Variants in RBM33 observed in about 807,000 individuals in gnomAD.
The protein encoded by RBM33 is RNA binding motif protein 33.
RBM33 carries 28 observed loss-of-function variants against 132.6 expected under a neutral mutation model. The observed-to-expected ratio is 0.21, with a 90% confidence interval of 0.16 to 0.29. RBM33 has a LOEUF of 0.29. Among genes scored for constraint, RBM33 ranks in the 10% least tolerant of loss-of-function variants. RBM33 has a pLI of 1.00. For missense variants in RBM33, 1,291 were observed against 1,518.5 expected (o/e 0.85, Z 2.49); for synonymous variants, 634 against 593.0 (o/e 1.07, Z -1.01).
intron 3 of RBM33, among the ~76,000 whole-genome samples, chr7:155,677,976 C>T (rs971705746): frequency 1.3e-5 from 2 of 152,128 alleles, no homozygotes; most frequent in Admixed American, 1.3e-4. Context: ...ACCCCCCCAA[C>T]CTAATCTAAG....
chr7:155,690,564 G>A (rs1563145645), intron 5 of RBM33, among the ~76,000 whole-genome samples: 2 of 152,062 alleles, frequency 1.3e-5, no homozygotes, highest in African/African-American at 2.4e-5. Context: ...TCCTAGTATC[G>A]ATGGTCTTTA....
chr7:155,739,455 A>T, intron 11 of RBM33: 1 of 483,522 alleles, frequency 2.1e-6, no homozygotes, highest in East Asian at 3.8e-5. Flanking sequence ...CTTTAGAGTT[A>T]TGAGTTTGTC....
At chr7:155,654,065 T>C (rs776316857) in intron 1 of RBM33, among the ~76,000 whole-genome samples, 2 of 152,202 alleles carry the variant, frequency 1.3e-5, no homozygotes, top group Non-Finnish European at 2.9e-5. Flanking sequence ...AAAAGATGGC[T>C]GAGTGAAGTG....
intron 14 of RBM33, among the ~76,000 whole-genome samples, chr7:155,759,163 G>GT (rs1422908205): frequency 5.3e-5 from 8 of 152,142 alleles, no homozygotes; most frequent in African/African-American, 9.7e-5. Flanking sequence ...GGAAATTTTA[G>GT]TTTTTTTGAA....
intron 12 of RBM33, 106 bp downstream of exon 12, chr7:155,740,132 C>T: frequency 7.2e-7 from 1 of 1,392,738 alleles, no homozygotes; most frequent in Non-Finnish European, 9.4e-7. Flanking sequence ...GTTCTGATTT[C>T]TGTTTATAAA....
At chr7:155,718,738 G>A (rs1800537798) in intron 9 of RBM33, among the ~76,000 whole-genome samples, 1 of 152,064 alleles carries the variant, frequency 6.6e-6, no homozygotes, top group Non-Finnish European at 1.5e-5. Context: ...AGTGAGAAAG[G>A]GCCTTGCTTT....
intron 14 of RBM33, chr7:155,746,595 G>T (rs1369690146): frequency 3.3e-5 from 5 of 152,198 alleles, no homozygotes; most frequent in African/African-American, 9.7e-5. Flanking sequence ...CATTGCAGAA[G>T]ATTCTTCCAT....
intron 2 of RBM33, among the ~76,000 whole-genome samples, chr7:155,672,103 AT>A (rs372446216): frequency 0.025 from 3,757 of 149,086 alleles, 138 homozygotes; most frequent in African/African-American, 0.086. Context: ...TTTAAAATTT[AT>A]TTTTTTTTTC....
At chr7:155,704,621 C>G (rs940624748) in intron 6 of RBM33, among the ~76,000 whole-genome samples, 11 of 152,064 alleles carry the variant, frequency 7.2e-5, no homozygotes, top group African/African-American at 2.7e-4. Flanking sequence ...GCAATGTAAG[C>G]CATAAATGAA....
At chr7:155,653,629 C>CATCA (rs1240452791) in intron 1 of RBM33, among the ~76,000 whole-genome samples, 1 of 152,124 alleles carries the variant, frequency 6.6e-6, no homozygotes, top group Non-Finnish European at 1.5e-5. Context: ...GTGATTTAAT[C>CATCA]ATCAGGTTTA....
intron 1 of RBM33, among the ~76,000 whole-genome samples, chr7:155,646,003 G>A (rs79517834): frequency 3.9e-5 from 6 of 152,334 alleles, no homozygotes; most frequent in Non-Finnish European, 7.3e-5. Context: ...AATACATGAT[G>A]TTTGCGTGTT....
Position 155,664,868 on chromosome 7 carries a change from A to G in RBM33, c.44-307A>G, listed in dbSNP as rs186510956. Among the ~76,000 whole-genome samples, 3 of 152,218 alleles carry G rather than the reference A, an allele frequency of 2.0e-5. No individual in the cohort carries two copies. The East Asian group carries it at 5.8e-4, about 29-fold the overall frequency. On this transcript the variant is annotated intron_variant, in intron 1 of 17. Coordinates refer to ENST00000401878, the MANE Select transcript of RBM33 (RefSeq NM_053043.3). Reference sequence around the variant, plus strand: ...ATTTTTTTTCTTTCATGCAGTAAAAAAACACTCAAAACCCATTTTATAAAG... The same window carrying G: ...ATTTTTTTTCTTTCATGCAGTAAAAGAACACTCAAAACCCATTTTATAAAG...
chr7:155,733,893 A>G (rs1801031889), intron 9 of RBM33, among the ~76,000 whole-genome samples: 1 of 152,202 alleles, frequency 6.6e-6, no homozygotes, highest in Admixed American at 6.5e-5. Flanking sequence ...TCTGGTTCCC[A>G]CTAGGCATCA....
chr7:155,663,353 T>G (rs1222348092), intron 1 of RBM33, among the ~76,000 whole-genome samples: 1 of 151,970 alleles, frequency 6.6e-6, no homozygotes, highest in Non-Finnish European at 1.5e-5. Flanking sequence ...ACAAGTGTGG[T>G]GTCAGCGCCT....
rs910287585 is a variant in RBM33, at chr7:155,774,262, G to A, written c.3376-297G>A. On this transcript the variant is annotated intron_variant, in intron 16 of 17. Coordinates refer to ENST00000401878, the MANE Select transcript of RBM33 (RefSeq NM_053043.3). This position sits in a 1 kb window ranked among gnomAD's most constrained non-coding sequence, Gnocchi z 4.2. ...CTCTATCCAAGGGTACCTGCTACCC[G>A]GTCTCCCAGAGCAGGTTGGGGCAGC... 4.6e-5 allele frequency among the ~76,000 whole-genome samples: 7 copies of A among 152,286 alleles called. No homozygotes were observed. Among genetic ancestry groups the A allele is most frequent in the South Asian group, 2.1e-4 (1 of 4,832 alleles).
intron 14 of RBM33, among the ~76,000 whole-genome samples, chr7:155,756,502 C>G (rs1315164185): frequency 1.3e-5 from 2 of 152,122 alleles, no homozygotes; most frequent in African/African-American, 4.8e-5. Flanking sequence ...TTGGTATATG[C>G]AGTAAAAGGG....
chr7:155,664,523 C>T (rs978931039), intron 1 of RBM33, among the ~76,000 whole-genome samples: 2 of 151,978 alleles, frequency 1.3e-5, no homozygotes, highest in African/African-American at 4.8e-5. Flanking sequence ...CCATCCGCTT[C>T]GGCCTCCCAA....
chr7:155,727,348 A>G (rs1800822738), intron 9 of RBM33, among the ~76,000 whole-genome samples: 1 of 152,092 alleles, frequency 6.6e-6, no homozygotes, highest in East Asian at 1.9e-4. Flanking sequence ...TGGAATATGT[A>G]GTTTTTAGCT....
rs41271202 is a variant in RBM33 at position 155,707,256 on chromosome 7, C to G, written c.948+188C>G. 3.2e-3 allele frequency: 2,226 copies of G among 695,744 alleles called. 7 individuals are homozygous for G. The highest frequency in any genetic ancestry group is 3.9e-3 in the Non-Finnish European group (1,441 of 373,874). 43.1% of individuals were successfully genotyped at this position (695,744 alleles called of 1,614,324 possible). A position where few individuals can be genotyped will look rare whatever the true frequency, so the allele number is the denominator to read the frequency against. On this transcript the variant is annotated intron_variant, in intron 7 of 17. Coordinates refer to ENST00000401878, the MANE Select transcript of RBM33 (RefSeq NM_053043.3). ...CATATAGTCTTAGAAATTCAGCACT[C>G]CAGTCATCTGGTAGTAAGAAATCAT...
Sources: gnomAD v4.1 joint callset for allele counts (sites outside exome capture counted in the v4.1 genomes callset) on GRCh38, gnomAD v4.1.1 for gene constraint, Gnocchi (gnomAD v3.1) non-coding constraint, MANE v1.5 for transcripts, NCBI Gene and HGNC (gene_info 2026-07-23, HGNC 2026-07-21) for gene names.